NBAS: variants seen among roughly 807,000 people sequenced by gnomAD.
NBAS encodes the protein NAG/BC035112 fusion.
A neutral mutation model predicts 302.5 loss-of-function variants in NBAS; 219 were observed. The ratio of observed to expected loss-of-function variants is 0.72; its 90% CI spans 0.65 to 0.81. NBAS has a LOEUF of 0.81. Ranked by LOEUF, NBAS falls within the 30% of genes least tolerant of loss-of-function variation. The probability of loss-of-function intolerance (pLI) is 0.00; values close to 1 mark genes in which losing one functional copy is unlikely to be tolerated. For missense variants in NBAS, 2,932 were observed against 2,841.6 expected (o/e 1.03, Z -0.72); for synonymous variants, 1,118 against 1,021.6 (o/e 1.09, Z -1.80).
chr2:14,950,657 C>T, the NBAS span, among the ~76,000 whole-genome samples: 1 of 152,012 alleles, frequency 6.6e-6, no homozygotes, highest in Non-Finnish European at 1.5e-5. Context: ...CATGATAGGC[C>T]CCAAGATGAT....
At chr2:15,021,520 T>C in the NBAS span, among the ~76,000 whole-genome samples, 1 of 152,170 alleles carries the variant, frequency 6.6e-6, no homozygotes, top group African/African-American at 2.4e-5. Context: ...CCTTGAAGGA[T>C]GCATAGCATA....
chr2:15,098,341 A>ATATATCATATATGATATATCG, the NBAS span, among the ~76,000 whole-genome samples: 1 of 11,442 alleles, frequency 8.7e-5, no homozygotes, highest in African/African-American at 2.9e-4. Flanking sequence ...ATTGTATATA[A>ATATATCATATATGATATATCG]TATATAATAT....
At chr2:14,915,086 A>G in the NBAS span, among the ~76,000 whole-genome samples, 2 of 152,242 alleles carry the variant, frequency 1.3e-5, no homozygotes, top group Non-Finnish European at 2.9e-5. Flanking sequence ...GAGGAAGAGC[A>G]CCAAGGCTTC....
intron 48 of NBAS, 82 bp from the exon 49 acceptor site, chr2:15,190,485 A>G (rs1665299280): frequency 6.6e-7 from 1 of 1,509,652 alleles, no homozygotes; most frequent in East Asian, 2.4e-5. Context: ...TATTTTAATT[A>G]AACTTTTTTT....
chr2:15,043,665 C>T, the NBAS span, among the ~76,000 whole-genome samples: 1 of 152,180 alleles, frequency 6.6e-6, no homozygotes, highest in African/African-American at 2.4e-5. Context: ...CTGCCCTCTC[C>T]CCCTTAATCA....
chr2:15,478,163 G>A (rs1680269150), intron 13 of NBAS, 63 bp downstream of exon 13: 2 of 1,145,562 alleles, frequency 1.7e-6, no homozygotes, highest in East Asian at 2.3e-5. Flanking sequence ...ATCATCCAAA[G>A]AGAATCTTGT....
At chr2:15,089,741 A>G in the NBAS span, among the ~76,000 whole-genome samples, 5,969 of 107,788 alleles carry the variant, frequency 0.055, 426 homozygotes, top group African/African-American at 0.18. Context: ...TTGGGTCAGG[A>G]CTTTTTTTTT....
At chr2:15,440,587 T>C (rs996896025) in intron 21 of NBAS, among the ~76,000 whole-genome samples, 2 of 152,050 alleles carry the variant, frequency 1.3e-5, no homozygotes, top group African/African-American at 4.8e-5. Context: ...CTGGAAACTC[T>C]CAAAAGCAGA....
At chr2:15,549,433 G>C (rs1057444080) in intron 6 of NBAS, among the ~76,000 whole-genome samples, 1 of 152,180 alleles carries the variant, frequency 6.6e-6, no homozygotes, top group African/African-American at 2.4e-5. Flanking sequence ...TGGAATAAAA[G>C]AGCTATTTAA....
chr2:14,819,003 C>T, the NBAS span, among the ~76,000 whole-genome samples: 2 of 152,212 alleles, frequency 1.3e-5, no homozygotes, highest in African/African-American at 2.4e-5. Context: ...AGAGTCTTCC[C>T]TGAACAGCCT....
At chr2:15,359,063 AACAGAG>A (rs955768174) in intron 32 of NBAS, among the ~76,000 whole-genome samples, 3 of 152,198 alleles carry the variant, frequency 2.0e-5, no homozygotes, top group Non-Finnish European at 4.4e-5. Flanking sequence ...ACTCAGTTGG[AACAGAG>A]ACTGTCAGTT....
the NBAS span, among the ~76,000 whole-genome samples, chr2:15,091,361 C>T: frequency 1.3e-5 from 2 of 152,066 alleles, no homozygotes; most frequent in Admixed American, 1.3e-4. Flanking sequence ...AGACAGTAAC[C>T]CCTCCTCTTT....
chr2:15,294,547 C>T (rs1670459821), intron 40 of NBAS, among the ~76,000 whole-genome samples: 1 of 152,294 alleles, frequency 6.6e-6, no homozygotes, highest in Non-Finnish European at 1.5e-5. Flanking sequence ...AGGGCACCAT[C>T]CTGAACCTCC....
rs1468703821 is a variant in NBAS at position 15,467,651 on chromosome 2, A to G, written c.2018+13T>C. On this transcript the variant is annotated intron_variant, in intron 18 of 51. Transcript: ENST00000281513. ...TAAAGAAACTATCAAATGAACAGTA[A>G]CAACTCATTTACTTGGAAAAGTTCA... is the stretch of plus-strand genomic sequence containing the variant. 6.2e-7 allele frequency: 1 copy of G among 1,608,886 alleles called. No individual in the cohort carries two copies. The highest frequency in any genetic ancestry group is 8.5e-7 in the Non-Finnish European group (1 of 1,175,698).
At chr2:15,401,418 G>A (rs1676146732) in intron 26 of NBAS, among the ~76,000 whole-genome samples, 1 of 152,122 alleles carries the variant, frequency 6.6e-6, no homozygotes. Flanking sequence ...AGAGCAAAGA[G>A]AAAGAGAAAA....
At chr2:14,968,816 A>G in the NBAS span, among the ~76,000 whole-genome samples, 1 of 152,346 alleles carries the variant, frequency 6.6e-6, no homozygotes, top group Admixed American at 6.5e-5. Context: ...GTAGAGTTTT[A>G]AATAATTCCA....
chr2:15,281,271 T>C (rs572769309), intron 42 of NBAS, among the ~76,000 whole-genome samples: 5 of 152,346 alleles, frequency 3.3e-5, no homozygotes, highest in African/African-American at 1.2e-4. Flanking sequence ...CTGACTTGTT[T>C]ATATACTTCA....
At chr2:14,950,872 A>G in the NBAS span, among the ~76,000 whole-genome samples, 2 of 152,212 alleles carry the variant, frequency 1.3e-5, no homozygotes, top group East Asian at 3.9e-4. Context: ...GTTGTCATTA[A>G]TTTTATTAAG....
the NBAS span, among the ~76,000 whole-genome samples, chr2:14,794,443 T>A: frequency 6.6e-6 from 1 of 152,088 alleles, no homozygotes; most frequent in Admixed American, 6.6e-5. Context: ...CCTAAAAAAC[T>A]TTTAGCATTT....
Sources: gnomAD v4.1 joint callset for allele counts (sites outside exome capture counted in the v4.1 genomes callset) on GRCh38, gnomAD v4.1.1 for gene constraint, MANE v1.5 for transcripts, NCBI Gene and HGNC (gene_info 2026-07-23, HGNC 2026-07-21) for gene names.